The following CSNK2A2 variants were observed in gnomAD, a reference collection of about 807,000 sequenced individuals.
CSNK2A2 encodes casein kinase 2 alpha 2.
Under a neutral mutation model 54.0 loss-of-function variants are expected in CSNK2A2, and 8 were observed. The observed-to-expected ratio is 0.15, with a 90% CI of 0.09 to 0.27. CSNK2A2 has a LOEUF of 0.27. Among genes scored for constraint, CSNK2A2 ranks in the 10% least tolerant of loss-of-function variants. The pLI is 1.00. For missense variants in CSNK2A2, 242 were observed against 439.4 expected, an observed-to-expected ratio of 0.55 and a Z score of 4.02; for synonymous variants, 141 against 153.9, an observed-to-expected ratio of 0.92 and a Z score of 0.62.
chr16:58,197,782 G>C lies in CSNK2A2; in HGVS notation c.-46C>G. ...GGCGCGGGGCGCAGAGGGTGGCGGC[G>C]GCGGCGCGGCGGGGGACGCGGGGCG... On this transcript the variant is annotated 5_prime_UTR_variant, in exon 1 of 12. Transcript: ENST00000262506. This position sits in a 1 kb window ranked among gnomAD's most constrained non-coding sequence, Gnocchi z 4.0. 1.7e-6 allele frequency: 1 copy of C among 580,104 alleles called. No individual in the cohort carries two copies. Among genetic ancestry groups the C allele is most frequent in the Non-Finnish European group, 2.2e-6 (1 of 459,904 alleles). 35.9% of individuals were successfully genotyped at this position (580,104 alleles called of 1,614,324 possible).
chr16:58,160,657 C>G (rs1961314219), intron 11 of CSNK2A2: 1 of 152,242 alleles, frequency 6.6e-6, no homozygotes, highest in Non-Finnish European at 1.5e-5. Flanking sequence ...GCAGCGCCCT[C>G]CCCAGGGTAC....
At chr16:58,167,426 T>G (rs1961598271) in intron 7 of CSNK2A2, 118 bp from the exon 8 acceptor site, 1 of 710,542 alleles carries the variant, frequency 1.4e-6, no homozygotes, top group Non-Finnish European at 2.2e-6. Flanking sequence ...AGATAATTTA[T>G]TTAAAAAAAA....
intron 6 of CSNK2A2, 91 bp downstream of exon 6, chr16:58,168,519 G>A (rs1489258066): frequency 8.9e-6 from 9 of 1,014,796 alleles, no homozygotes; most frequent in African/African-American, 1.6e-5. Context: ...AACCCACCAC[G>A]GGTCTACAGA....
intron 4 of CSNK2A2, among the ~76,000 whole-genome samples, chr16:58,176,803 G>A (rs965355141): frequency 1.3e-5 from 2 of 152,294 alleles, no homozygotes; most frequent in East Asian, 3.9e-4. Context: ...ACACCATTAA[G>A]AACACAATGT....
chr16:58,191,918 A>G (rs1962330076), intron 2 of CSNK2A2, among the ~76,000 whole-genome samples: 1 of 152,218 alleles, frequency 6.6e-6, no homozygotes, highest in Non-Finnish European at 1.5e-5. Flanking sequence ...ACCAAGGCAC[A>G]GAGAACTTAA....
At chr16:58,177,607 C>G in intron 4 of CSNK2A2, among the ~76,000 whole-genome samples, 1 of 152,138 alleles carries the variant, frequency 6.6e-6, no homozygotes, top group East Asian at 1.9e-4. Context: ...CCAACCATGA[C>G]CTTCAGGAAG....
At chr16:58,164,220 C>G in intron 10 of CSNK2A2, 73 bp from the exon 11 acceptor site, 1 of 1,401,202 alleles carries the variant, frequency 7.1e-7, no homozygotes, top group Non-Finnish European at 1.0e-6. Flanking sequence ...CAAACCCACC[C>G]TTTCAACGGA....
At chr16:58,164,172 A>G (rs1233574507) in intron 10 of CSNK2A2, 25 bp from the exon 11 acceptor site, 3 of 1,611,696 alleles carry the variant, frequency 1.9e-6, no homozygotes, top group South Asian at 1.1e-5. Context: ...GAGGAAAGTC[A>G]GGCAATCAGG....
At chr16:58,168,265 T>C (rs1010121920) in intron 6 of CSNK2A2, among the ~76,000 whole-genome samples, 2 of 151,952 alleles carry the variant, frequency 1.3e-5, no homozygotes, top group African/African-American at 2.4e-5. Flanking sequence ...ATATCAAAAA[T>C]AGGAGGGACC....
At chr16:58,159,482 TG>T (rs1400916488) in intron 11 of CSNK2A2, 5 of 152,242 alleles carry the variant, frequency 3.3e-5, no homozygotes, top group Non-Finnish European at 7.3e-5. Flanking sequence ...CACACATCTT[TG>T]CAATTCAAGG....
chr16:58,167,142 T>C (rs778120053), intron 8 of CSNK2A2, 65 bp downstream of exon 8: 15 of 1,077,104 alleles, frequency 1.4e-5, no homozygotes, highest in Non-Finnish European at 1.7e-5. Flanking sequence ...AGTATTCTTA[T>C]CTAAGGATGC....
rs1467903726 is a variant in CSNK2A2 at position 58,197,817 on chromosome 16, G to A, written c.-81C>T. On this transcript the variant is annotated 5_prime_UTR_variant, in exon 1 of 12. Coordinates refer to ENST00000262506, the MANE Select transcript of CSNK2A2 (RefSeq NM_001896.4). This position sits in a 1 kb window ranked among gnomAD's most constrained non-coding sequence, Gnocchi z 4.0. ...CGGGGGACGCGGGGCGTCGGGCGGA[G>A]GAGGCAGCGGGCCGCCGGGCGCTGG... 1.1e-5 allele frequency: 3 copies of A among 275,476 alleles called. No individual in the cohort carries two copies. Among genetic ancestry groups the A allele is most frequent in the Non-Finnish European group, 1.1e-5 (2 of 184,090 alleles). The allele number at this position is 275,476 out of a possible 1,614,324, so 17.1% of individuals were successfully genotyped here. A position where few individuals can be genotyped will look rare whatever the true frequency, so the allele number is the denominator to read the frequency against.
At chr16:58,188,049 G>A (rs1962236345) in intron 2 of CSNK2A2, among the ~76,000 whole-genome samples, 1 of 151,940 alleles carries the variant, frequency 6.6e-6, no homozygotes, top group Non-Finnish European at 1.5e-5. Flanking sequence ...TGGGGAAGGG[G>A]AGGGGAGGGG....
At chr16:58,184,145 A>C in intron 4 of CSNK2A2, 115 bp downstream of exon 4, 1 of 743,516 alleles carries the variant, frequency 1.3e-6, no homozygotes, top group Non-Finnish European at 2.2e-6. Flanking sequence ...CCAATTTGTT[A>C]TTTCCTCCTC....
chr16:58,174,584 T>C (rs1961828400), intron 4 of CSNK2A2, 74 bp from the exon 5 acceptor site: 1 of 1,209,596 alleles, frequency 8.3e-7, no homozygotes, highest in African/African-American at 1.5e-5. Context: ...CAGGCCATTC[T>C]CTAAGCTTAT....
At chr16:58,165,324 A>G (rs1567463072) in intron 10 of CSNK2A2, among the ~76,000 whole-genome samples, 1 of 152,220 alleles carries the variant, frequency 6.6e-6, no homozygotes, top group Non-Finnish European at 1.5e-5. Flanking sequence ...GGTAACAGGG[A>G]GTAGTCAAAC....
intron 10 of CSNK2A2, 113 bp downstream of exon 10, chr16:58,165,447 G>T (rs1567463108): frequency 1.7e-6 from 2 of 1,185,496 alleles, no homozygotes; most frequent in Non-Finnish European, 2.3e-6. Context: ...CAAATTCTAG[G>T]AATAATCCAA....
At chr16:58,161,918 C>T (rs887248775) in intron 11 of CSNK2A2, 4 of 152,234 alleles carry the variant, frequency 2.6e-5, no homozygotes, top group African/African-American at 9.7e-5. Flanking sequence ...CAGGCGGTGT[C>T]TGCACCTACA....
chr16:58,169,462 G>A (rs1388011874), intron 5 of CSNK2A2, among the ~76,000 whole-genome samples: 1 of 152,034 alleles, frequency 6.6e-6, no homozygotes, highest in East Asian at 2.0e-4. Context: ...CCTGGGAGGT[G>A]GAGGCTGCAG....
Sources: gnomAD v4.1 joint callset for allele counts (sites outside exome capture counted in the v4.1 genomes callset) on GRCh38, gnomAD v4.1.1 for gene constraint, Gnocchi (gnomAD v3.1) non-coding constraint, MANE v1.5 for transcripts, NCBI Gene and HGNC (gene_info 2026-07-23, HGNC 2026-07-21) for gene names.